TXK: variants seen among roughly 807,000 people sequenced by gnomAD.
TXK encodes the protein tyrosine-protein kinase TXK.
In TXK, 60 loss-of-function variants were observed where a neutral mutation model predicts 81.0. The observed-to-expected ratio is 0.74, with a 90% CI of 0.60 to 0.92. The LOEUF (loss-of-function observed/expected upper bound fraction) is 0.92. TXK is among the 40% of genes least tolerant of loss of function. TXK has a pLI of 0.00. For synonymous variants in TXK, 203 were observed against 210.7 expected (o/e 0.96, Z 0.32); for missense variants, 581 against 638.3 (o/e 0.91, Z 0.97).
Position 48,086,625 on chromosome 4 carries a change from A to G in TXK, c.797T>C (p.Ile266Thr). 1 of 1,613,468 alleles carries G rather than the reference A, an allele frequency of 6.2e-7. No homozygotes were observed. The highest frequency in any genetic ancestry group is 8.5e-7 in the Non-Finnish European group (1 of 1,179,694). Residue 266 changes from isoleucine to threonine, a missense_variant, in exon 10 of 15, where the codon ATA (isoleucine) becomes ACA (threonine). Ile to Thr is a moderately conservative substitution (Grantham distance 89). Coordinates refer to ENST00000264316, the MANE Select transcript of TXK (RefSeq NM_003328.3). ...TATAAAAGCCAACTCAGATGGATCT[A>G]TCTCCCACTTTTCTGAAAAAGTAAA... ...TAGFSYEKWEIDPSELAFIKE... is the reference protein window; with the variant it reads ...TAGFSYEKWETDPSELAFIKE...
intron 1 of TXK, among the ~76,000 whole-genome samples, chr4:48,132,691 T>C (rs1719275951): frequency 6.6e-6 from 1 of 152,302 alleles, no homozygotes; most frequent in East Asian, 1.9e-4. Flanking sequence ...GGCTCATGCC[T>C]GTAATCCCAG....
chr4:48,125,687 G>T (rs562202997), intron 1 of TXK, among the ~76,000 whole-genome samples: 2 of 152,326 alleles, frequency 1.3e-5, no homozygotes, highest in South Asian at 4.1e-4. Context: ...GCAGAGGCGT[G>T]TACATGTTTG....
intron 4 of TXK, among the ~76,000 whole-genome samples, chr4:48,111,191 C>T (rs1345161731): frequency 6.6e-6 from 1 of 152,172 alleles, no homozygotes; most frequent in African/African-American, 2.4e-5. Context: ...TTCACTTTTC[C>T]TATACCTTAA....
At chr4:48,098,467 T>A (rs931836219) in intron 6 of TXK, among the ~76,000 whole-genome samples, 1 of 152,208 alleles carries the variant, frequency 6.6e-6, no homozygotes, top group African/African-American at 2.4e-5. Context: ...CACCAACATA[T>A]ATAGCAGCGC....
At chr4:48,072,676 T>A (rs1030709024) in intron 13 of TXK, among the ~76,000 whole-genome samples, 2 of 152,184 alleles carry the variant, frequency 1.3e-5, no homozygotes, top group Non-Finnish European at 2.9e-5. Context: ...AAGTGTGAGA[T>A]CAATCCATGT....
intron 7 of TXK, among the ~76,000 whole-genome samples, chr4:48,094,729 T>G (rs1466909277): frequency 7.2e-5 from 11 of 152,196 alleles, no homozygotes; most frequent in Admixed American, 7.2e-4. Flanking sequence ...AACCTAGCAT[T>G]GCTCCTGGGA....
Position 48,107,494 on chromosome 4 carries a change from C to T in TXK, c.447-2539G>A, listed in dbSNP as rs767777188. Among the ~76,000 whole-genome samples, 9 of 151,886 alleles carry T rather than the reference C, an allele frequency of 5.9e-5. No homozygotes were observed. The South Asian group carries it at 1.5e-3, about 25-fold the overall frequency. On this transcript the variant is annotated intron_variant, in intron 5 of 14. Transcript: ENST00000264316. Reference sequence around the variant, plus strand: ...ATTACATCCCCTGCCCTGTTTTCTTCCACAGCGTCCAATACTGTTCCTTCA... The same window carrying T: ...ATTACATCCCCTGCCCTGTTTTCTTTCACAGCGTCCAATACTGTTCCTTCA...
intron 12 of TXK, among the ~76,000 whole-genome samples, chr4:48,074,626 TAAC>T (rs1179296529): frequency 7.2e-5 from 11 of 152,276 alleles, no homozygotes; most frequent in Non-Finnish European, 1.5e-4. Flanking sequence ...CTTAAAAAAA[TAAC>T]AAGTTGAACC....
At position 48,110,683 on chromosome 4, in the gene TXK, C is replaced by G; in HGVS notation, c.381-80G>C. The G allele has an allele frequency of 1.1e-5, 12 of 1,046,342 alleles. No homozygotes were observed. In the South Asian group the frequency reaches 1.6e-4, roughly 14 times the overall value. 64.8% of individuals were successfully genotyped at this position (1,046,342 alleles called of 1,614,324 possible). ...CATGGCAACAATCCTTTTAAAACCT[C>G]AAGGATGTAGGGGGGAAATCAAATT... On this transcript the variant is annotated intron_variant, in intron 4 of 14. Transcript: ENST00000264316.
chr4:48,074,355 A>T (rs1716980972), intron 12 of TXK, among the ~76,000 whole-genome samples: 1 of 152,178 alleles, frequency 6.6e-6, no homozygotes, highest in Admixed American at 6.5e-5. Context: ...AGCCTGCTAA[A>T]GGCTCTAACA....
At chr4:48,095,389 C>A (rs1191929630) in intron 6 of TXK, among the ~76,000 whole-genome samples, 167 bp from the exon 7 acceptor site, 2 of 152,132 alleles carry the variant, frequency 1.3e-5, no homozygotes, top group Non-Finnish European at 2.9e-5. Flanking sequence ...AATCTTATCT[C>A]CCTTATAGAT....
At chr4:48,118,450 C>A (rs1326801638) in intron 1 of TXK, among the ~76,000 whole-genome samples, 1 of 152,156 alleles carries the variant, frequency 6.6e-6, no homozygotes, top group African/African-American at 2.4e-5. Context: ...TCTGCTAGGG[C>A]CCATTTTCAT....
intron 8 of TXK, among the ~76,000 whole-genome samples, chr4:48,093,209 A>G (rs537120883): frequency 6.6e-6 from 1 of 152,338 alleles, no homozygotes; most frequent in Non-Finnish European, 1.5e-5. Flanking sequence ...GCATCCCACA[A>G]GTGGATAAAA....
rs550304538 is a variant in TXK at position 48,125,802 on chromosome 4, C to T, written c.16+8353G>A. On this transcript the variant is annotated intron_variant, in intron 1 of 14. Transcript: ENST00000264316. ...CTGGCAAGTCCAAAATCTAACAGGG[C>T]AGGCCGGCAAGCTGAAGAATGAGAG... Among the ~76,000 whole-genome samples the T allele has an allele frequency of 2.0e-4, 31 of 152,294 alleles. 1 individual carries two copies. In the South Asian group the frequency reaches 6.4e-3, roughly 32 times the overall value.
chr4:48,122,460 C>T (rs1198508366), intron 1 of TXK, among the ~76,000 whole-genome samples: 3 of 152,216 alleles, frequency 2.0e-5, no homozygotes, highest in Non-Finnish European at 4.4e-5. Context: ...CCTGATTTGA[C>T]ATTACGGCCA....
chr4:48,075,247 C>T (rs73244480), intron 12 of TXK, among the ~76,000 whole-genome samples: 48,911 of 152,030 alleles, frequency 0.32, 9,613 homozygotes, highest in Non-Finnish European at 0.43. Context: ...AGAACCAGTG[C>T]TCTTTTCCCC....
In TXK at chr4:48,107,900, A is replaced by T. The variant is rs1273905758; in HGVS notation, c.446+2638T>A. On this transcript the variant is annotated intron_variant, in intron 5 of 14. Coordinates refer to ENST00000264316, the MANE Select transcript of TXK (RefSeq NM_003328.3). Reference sequence around the variant, plus strand: ...ACACCGTGAAACTCTGTCTCTACTTAAAAAAAAAAAAAAAAAAAAAAAAAA... The same window carrying T: ...ACACCGTGAAACTCTGTCTCTACTTTAAAAAAAAAAAAAAAAAAAAAAAAA... Among the ~76,000 whole-genome samples, 5 of 7,910 alleles carry T rather than the reference A, an allele frequency of 6.3e-4. 1 individual carries two copies. In the Admixed American group the frequency reaches 0.011, roughly 18 times the overall value. The allele number at this position is 7,910 out of a possible 152,430, so 5.2% of individuals were successfully genotyped here.
chr4:48,088,187 A>G (rs1487733092), intron 9 of TXK, among the ~76,000 whole-genome samples: 1 of 152,198 alleles, frequency 6.6e-6, no homozygotes, highest in Non-Finnish European at 1.5e-5. Flanking sequence ...AAAGGTATGG[A>G]GCCGCTAGAA....
At chr4:48,114,618 T>C in intron 1 of TXK, 1 of 562,478 alleles carries the variant, frequency 1.8e-6, no homozygotes, top group South Asian at 2.1e-5. Context: ...TCTTCTCCTC[T>C]GGCCTGGTTT....
Sources: gnomAD v4.1 joint callset for allele counts (sites outside exome capture counted in the v4.1 genomes callset) on GRCh38, gnomAD v4.1.1 for gene constraint, MANE v1.5 for transcripts, NCBI Gene and HGNC (gene_info 2026-07-23, HGNC 2026-07-21) for gene names.